Variants in SPATA13 observed in about 807,000 individuals in gnomAD.
The protein encoded by SPATA13 is spermatogenesis associated 13, also known as spermatogenesis-associated protein 13.
Under a neutral mutation model 104.0 loss-of-function variants are expected in SPATA13, and 50 were observed. The ratio of observed to expected loss-of-function variants is 0.48; its 90% CI spans 0.38 to 0.61. The LOEUF (loss-of-function observed/expected upper bound fraction) is 0.61, where lower values mean the gene tolerates loss of function less well. Among genes scored for constraint, SPATA13 ranks in the 20% least tolerant of loss-of-function variants. The pLI is 0.00. For synonymous variants in SPATA13, 606 were observed against 667.5 expected (o/e 0.91, Z 1.42); for missense variants, 1,524 against 1,690.6 (o/e 0.90, Z 1.73).
At chr13:24,193,580 G>A (rs1300433849) in intron 1 of SPATA13, among the ~76,000 whole-genome samples, 1 of 152,144 alleles carries the variant, frequency 6.6e-6, no homozygotes, top group African/African-American at 2.4e-5. Context: ...TGGAACCTTG[G>A]GAAGGGGCAG....
intron 1 of SPATA13, among the ~76,000 whole-genome samples, chr13:24,169,706 C>A (rs368069113): frequency 4.6e-5 from 7 of 152,326 alleles, no homozygotes; most frequent in Admixed American, 2.6e-4. Flanking sequence ...TCTCCTCTCA[C>A]TCAAGCTCTC....
chr13:24,192,467 G>A (rs1011537294), intron 1 of SPATA13, among the ~76,000 whole-genome samples: 3 of 151,896 alleles, frequency 2.0e-5, no homozygotes, highest in Non-Finnish European at 2.9e-5. Context: ...CCTCCTACCC[G>A]CTGAAACAGC....
intron 2 of SPATA13, 52 bp from the exon 3 acceptor site, chr13:24,249,425 C>A: frequency 6.9e-7 from 1 of 1,459,796 alleles, no homozygotes; most frequent in Non-Finnish European, 9.1e-7. Context: ...CTTGTTCTTT[C>A]TTTAATACCT....
rs932486289 is a variant in SPATA13, at chr13:24,304,370, A to G, written c.*1597A>G. 6.6e-6 allele frequency: 1 copy of G among 152,176 alleles called. No individual in the cohort carries two copies. Among genetic ancestry groups the G allele is most frequent in the Admixed American group, 6.5e-5 (1 of 15,278 alleles). 9.4% of individuals were successfully genotyped at this position (152,176 alleles called of 1,614,324 possible). ...GCTCTGCAAGAGAGGTGCCCTTTCAACCCGCTCAGTGCCCTGGACAGGAGA... is the reference window on the plus strand; with the variant it reads ...GCTCTGCAAGAGAGGTGCCCTTTCAGCCCGCTCAGTGCCCTGGACAGGAGA... On this transcript the variant is annotated 3_prime_UTR_variant, in exon 13 of 13. Transcript: ENST00000382108.
intron 3 of SPATA13, among the ~76,000 whole-genome samples, chr13:24,126,578 A>G (rs562198586): frequency 7.2e-5 from 11 of 152,322 alleles, no homozygotes; most frequent in African/African-American, 2.4e-4. Context: ...AGGGCGCAGG[A>G]CAGAGACAGG....
At chr13:24,258,532 TGTC>T (rs1346720699) in intron 4 of SPATA13, among the ~76,000 whole-genome samples, 1 of 151,810 alleles carries the variant, frequency 6.6e-6, no homozygotes, top group East Asian at 1.9e-4. Context: ...AGCCAAGAGT[TGTC>T]GTGCGTTCCT....
chr13:24,155,137 C>A (rs1256711863), intron 3 of SPATA13, among the ~76,000 whole-genome samples: 1 of 152,176 alleles, frequency 6.6e-6, no homozygotes. Flanking sequence ...CGTGAGCCAC[C>A]TTGCCCGGTT....
At chr13:24,295,474 T>C (rs1204901093) in intron 10 of SPATA13, among the ~76,000 whole-genome samples, 13 of 152,042 alleles carry the variant, frequency 8.6e-5, no homozygotes, top group Admixed American at 8.5e-4. Context: ...CAGCCAGGCA[T>C]GGTGGCATAC....
At chr13:24,168,620 C>G (rs1243749803) in intron 1 of SPATA13, among the ~76,000 whole-genome samples, 2 of 152,112 alleles carry the variant, frequency 1.3e-5, no homozygotes, top group East Asian at 1.9e-4. Flanking sequence ...TGTGGTCTTA[C>G]CATTGTCACT....
chr13:24,000,379 G>T (rs567178062), intron 2 of SPATA13, among the ~76,000 whole-genome samples: 1 of 152,148 alleles, frequency 6.6e-6, no homozygotes, highest in Non-Finnish European at 1.5e-5. Flanking sequence ...TATGGAAGGC[G>T]TGGGGAGCCC....
At chr13:24,084,829 C>G (rs1179436044) in intron 3 of SPATA13, among the ~76,000 whole-genome samples, 6 of 152,200 alleles carry the variant, frequency 3.9e-5, no homozygotes, top group Admixed American at 6.5e-5. Flanking sequence ...CGAGACCAGC[C>G]TGGGCAACAT....
At chr13:24,004,618 C>G (rs1033272442) in intron 2 of SPATA13, among the ~76,000 whole-genome samples, 102 of 152,252 alleles carry the variant, frequency 6.7e-4, no homozygotes, top group African/African-American at 2.4e-3. Context: ...GCAACAGACC[C>G]TGCCCCAGGA....
rs568283588 is a variant in SPATA13, at chr13:23,997,378, G to A, written c.-147+13445G>A. Among the ~76,000 whole-genome samples the A allele has an allele frequency of 2.6e-5, 4 of 152,218 alleles. No individual in the cohort carries two copies. In the East Asian group the frequency reaches 5.8e-4, roughly 22 times the overall value. On this transcript the variant is annotated intron_variant, in intron 2 of 14. Coordinates refer to the SPATA13 transcript ENST00000424834. ...ATACCCACATTCCCAGGCAAACTCC[G>A]ATGCTTCCTATCACTATAAGTTAGT...
intron 12 of SPATA13, among the ~76,000 whole-genome samples, chr13:24,301,992 C>T (rs1168058082): frequency 6.6e-6 from 1 of 152,088 alleles, no homozygotes; most frequent in African/African-American, 2.4e-5. Flanking sequence ...CCCAGTAATC[C>T]CAGCTGATAA....
Position 24,247,478 on chromosome 13 carries a change from C to CTTT in SPATA13, c.1654-1982_1654-1980dup, listed in dbSNP as rs10625714. Among the ~76,000 whole-genome samples the CTTT allele has an allele frequency of 6.7e-3, 581 of 87,090 alleles. 40 individuals carry two copies. Among genetic ancestry groups the CTTT allele is most frequent in the South Asian group, 0.04 (87 of 2,160 alleles). 57.1% of individuals were successfully genotyped at this position (87,090 alleles called of 152,430 possible). ...CACTGTGCTCTTTGCTCCACATTCA[C>CTTT]TTTTTTTTTTTTTTTTTTTGAGACA... On this transcript the variant is annotated intron_variant, in intron 2 of 12. Coordinates refer to ENST00000382108, the MANE Select transcript of SPATA13 (RefSeq NM_001166271.3).
At position 24,297,442 on chromosome 13, in the gene SPATA13, A is replaced by G; in HGVS notation, c.3290A>G (p.Gln1097Arg). 1 of 1,614,180 alleles carries G rather than the reference A, an allele frequency of 6.2e-7. No homozygotes were observed. The highest frequency in any genetic ancestry group is 8.5e-7 in the Non-Finnish European group (1 of 1,180,006). ...LTKITKQGKS[Q>R]QRTFFLFDHQ... ...AAAATCACTAAGCAAGGCAAAAGCC[A>G]GCAGCGGACGTTCTTCCTGTTTGAC... The change falls in exon 11 of 13, where the codon CAG becomes CGG. Residue 1097 changes from glutamine to arginine, a missense_variant. Coordinates refer to ENST00000382108, the MANE Select transcript of SPATA13 (RefSeq NM_001166271.3).
At chr13:24,045,054 G>A (rs555356217) in intron 3 of SPATA13, among the ~76,000 whole-genome samples, 1 of 152,102 alleles carries the variant, frequency 6.6e-6, no homozygotes, top group Non-Finnish European at 1.5e-5. Flanking sequence ...TAAAATCCAG[G>A]GCGGCGGAGT....
intron 3 of SPATA13, among the ~76,000 whole-genome samples, chr13:24,082,200 C>A (rs1009537209): frequency 6.6e-6 from 1 of 152,216 alleles, no homozygotes; most frequent in South Asian, 2.1e-4. Context: ...ATAGCAATAT[C>A]TCTTCAACAG....
At chr13:24,077,175 G>C (rs1593314871) in intron 3 of SPATA13, among the ~76,000 whole-genome samples, 1 of 149,324 alleles carries the variant, frequency 6.7e-6, no homozygotes, top group East Asian at 2.0e-4. Context: ...ATGCCTTAGG[G>C]TTCCATTCCA....
Sources: allele counts gnomAD v4.1 joint callset (sites outside exome capture counted in the v4.1 genomes callset), GRCh38; gene constraint gnomAD v4.1.1; transcripts MANE v1.5; gene names NCBI Gene and HGNC (gene_info 2026-07-23, HGNC 2026-07-21).